The following CCAR2 variants were observed in gnomAD, a reference collection of about 807,000 sequenced individuals.
CCAR2 encodes cell cycle and apoptosis regulator protein 2.
Under a neutral mutation model 108.1 loss-of-function variants are expected in CCAR2, and 21 were observed. The ratio of observed to expected loss-of-function variants is 0.19; its 90% confidence interval spans 0.14 to 0.28. The LOEUF is 0.28. Among genes scored for constraint, CCAR2 ranks in the 10% least tolerant of loss-of-function variants. CCAR2 has a pLI of 1.00. For synonymous variants in CCAR2, 577 were observed against 472.8 expected (o/e 1.22, Z -2.86); for missense variants, 1,126 against 1,177.0 (o/e 0.96, Z 0.63).
At chr8:22,607,467 GTTTT>G (rs34256757) in intron 6 of CCAR2, 142 bp downstream of exon 6, 1,876 of 401,460 alleles carry the variant, frequency 4.7e-3, no homozygotes, top group East Asian at 0.01. Context: ...GGTGTTTAGG[GTTTT>G]TTTTTTTTTT....
chr8:22,613,628 C>T (rs76331771), intron 8 of CCAR2, among the ~76,000 whole-genome samples: 3 of 152,284 alleles, frequency 2.0e-5, no homozygotes, highest in African/African-American at 2.4e-5. Flanking sequence ...CTTATTTCCC[C>T]GTGCCGTTGC....
rs1801733644 is a variant in CCAR2 at position 22,620,405 on chromosome 8, TATAAAG to T, written c.*724_*729del. On this transcript the variant is annotated 3_prime_UTR_variant, in exon 21 of 21. Transcript: ENST00000308511. ...TCCGTGGTTTCAGTTTGACTTTGTA[TATAAAG>T]TTGGGGTTTTTTTTTTTTTTTTTTG... is the stretch of plus-strand genomic sequence containing the variant. 1.3e-5 allele frequency: 2 copies of T among 148,872 alleles called. No homozygotes were observed. Among genetic ancestry groups the T allele is most frequent in the South Asian group, 4.3e-4 (2 of 4,628 alleles). 9.2% of individuals were successfully genotyped at this position (148,872 alleles called of 1,614,324 possible).
rs143245213 is a variant in CCAR2, at chr8:22,613,757, A to T, written c.705-335A>T. 1.1e-5 allele frequency: 3 copies of T among 260,992 alleles called. No homozygotes were observed. The East Asian group carries it at 2.6e-4, about 22-fold the overall frequency. The allele number at this position is 260,992 out of a possible 1,614,324, so 16.2% of individuals were successfully genotyped here. A position where few individuals can be genotyped will look rare whatever the true frequency, so the allele number is the denominator to read the frequency against. On this transcript the variant is annotated intron_variant, in intron 8 of 20. Coordinates refer to ENST00000308511, the MANE Select transcript of CCAR2 (RefSeq NM_001393997.1). ...CATATTTTCCTGGCCTCTAATTCTT[A>T]TGTATTTCTCTTAAGAACCTATTGA...
At chr8:22,607,166 C>T (rs200866841) in intron 5 of CCAR2, 30 bp from the exon 6 acceptor site, 1 of 1,612,674 alleles carries the variant, frequency 6.2e-7, no homozygotes, top group Non-Finnish European at 8.5e-7. Context: ...ACCATGGGGT[C>T]CCCTGAATTT....
chr8:22,619,431 C>T (rs947025956), intron 20 of CCAR2, 76 bp downstream of exon 20: 30 of 1,510,760 alleles, frequency 2.0e-5, no homozygotes, highest in South Asian at 2.4e-5. Context: ...GGCGCTTGCC[C>T]GTGTCGGGAG....
In CCAR2 at chr8:22,606,079, C is replaced by A; in HGVS notation, c.59-6C>A. 1 of 1,612,652 alleles carries A rather than the reference C, an allele frequency of 6.2e-7. No homozygotes were observed. The highest frequency in any genetic ancestry group is 1.7e-4 in the Middle Eastern group (1 of 6,060). On this transcript the variant is annotated splice_polypyrimidine_tract_variant and splice_region_variant and intron_variant, in intron 2 of 20. Coordinates refer to ENST00000308511, the MANE Select transcript of CCAR2 (RefSeq NM_001393997.1). ...GTTCCTGGAGATTGCTTCTCTTTCC[C>A]CATAGGCACAGCTTCAACATCTCTT...
intron 7 of CCAR2, among the ~76,000 whole-genome samples, chr8:22,610,765 A>T (rs918318220): frequency 1.9e-4 from 29 of 152,372 alleles, no homozygotes; most frequent in African/African-American, 7.0e-4. Flanking sequence ...GGCAGGTCTA[A>T]AAGGCAGAAC....
At chr8:22,610,682 C>T (rs1801238768) in intron 7 of CCAR2, among the ~76,000 whole-genome samples, 1 of 152,176 alleles carries the variant, frequency 6.6e-6, no homozygotes, top group African/African-American at 2.4e-5. Flanking sequence ...TGACCAAGGC[C>T]AACAGAAAAG....
Position 22,617,503 on chromosome 8 carries a change from G to C in CCAR2, c.1929G>C (p.Leu643=). 1.2e-6 allele frequency: 2 copies of C among 1,607,392 alleles called. No homozygotes were observed. The highest frequency in any genetic ancestry group is 1.7e-6 in the Non-Finnish European group (2 of 1,176,694). Residue 643 remains leucine (L), a synonymous_variant, in exon 15 of 21, where the codon CTG becomes CTC. Coordinates refer to ENST00000308511, the MANE Select transcript of CCAR2 (RefSeq NM_001393997.1). ...EKPRGEASED[L]CEMALDPELL... is the part of the protein sequence containing the mutation. ...CCCGGGGCGAGGCTTCTGAGGACCT[G>C]TGTGAGATGGCCCTGGACCCAGAAC...
At chr8:22,618,139 G>T (rs1042285036) in intron 16 of CCAR2, 3 of 633,042 alleles carry the variant, frequency 4.7e-6, no homozygotes, top group Non-Finnish European at 8.2e-6. Context: ...GAGCACAGTG[G>T]TTATTCACAG....
Position 22,619,855 on chromosome 8 carries a change from T to A in CCAR2, c.*173T>A. The A allele has an allele frequency of 1.5e-6, 1 of 654,696 alleles. No individual in the cohort carries two copies. 40.6% of individuals were successfully genotyped at this position (654,696 alleles called of 1,614,324 possible). A position where few individuals can be genotyped will look rare whatever the true frequency, so the allele number is the denominator to read the frequency against. On this transcript the variant is annotated 3_prime_UTR_variant, in exon 21 of 21. Transcript: ENST00000308511. The stretch of plus-strand genomic sequence containing the variant: ...GGCCATCAGGCTGGGGGCTGTGCTA[T>A]GTGGGATGGATGTGTGAGGAACCCC...
intron 2 of CCAR2, 51 bp downstream of exon 2, chr8:22,605,882 G>T (rs752030174): frequency 1.2e-5 from 19 of 1,577,068 alleles, no homozygotes; most frequent in Middle Eastern, 3.4e-4. Context: ...ATGTGCTCTG[G>T]AGTTAGTTTG....
At chr8:22,619,582 A>C in intron 20 of CCAR2, 56 bp from the exon 21 acceptor site, 1 of 1,542,478 alleles carries the variant, frequency 6.5e-7, no homozygotes, top group Non-Finnish European at 8.8e-7. Flanking sequence ...CGCAGTCCGC[A>C]GTCCTCAGAT....
Position 22,614,093 on chromosome 8 carries a change from C to T in CCAR2, c.706C>T (p.Pro236Ser). ...GATTCCCTTGCTGTCTTCCTGTAGC[C>T]CCATCTGTGACTTCCTAGAACTCCA... is the stretch of plus-strand genomic sequence containing the variant. ...VHLTPYTVDSPICDFLELQRR... is the reference protein window; with the variant it reads ...VHLTPYTVDSSICDFLELQRR... Residue 236 changes from proline (P) to serine (S), a missense_variant and splice_region_variant, in exon 9 of 21, where the codon CCC becomes TCC. Physicochemically the swap from Pro to Ser is moderately conservative, Grantham distance 74. Transcript: ENST00000308511. 1 of 1,613,300 alleles carries T rather than the reference C, an allele frequency of 6.2e-7. No individual in the cohort carries two copies. The highest frequency in any genetic ancestry group is 8.5e-7 in the Non-Finnish European group (1 of 1,179,718).
intron 17 of CCAR2, 53 bp from the exon 18 acceptor site, chr8:22,618,564 C>T: frequency 1.9e-6 from 3 of 1,614,014 alleles, no homozygotes; most frequent in Non-Finnish European, 2.5e-6. Flanking sequence ...GGTTCCCGCC[C>T]ATGGCCAGGG....
At chr8:22,607,050 A>G (rs1801104678) in intron 5 of CCAR2, 26 bp downstream of exon 5, 2 of 1,611,956 alleles carry the variant, frequency 1.2e-6, no homozygotes, top group African/African-American at 1.3e-5. Context: ...TAGCATGTGC[A>G]TTGGAAAGGG....
intron 11 of CCAR2, 150 bp downstream of exon 11, chr8:22,615,151 G>T (rs1207697289): frequency 1.8e-6 from 2 of 1,142,754 alleles, no homozygotes; most frequent in African/African-American, 1.6e-5. Flanking sequence ...GTAGGGTGGG[G>T]TGTATGCCAA....
rs1222292407 is a variant in CCAR2 at position 22,615,891 on chromosome 8, A to C, written c.1587A>C (p.Pro529=). Residue 529 remains proline (P), a synonymous_variant, in exon 13 of 21, where the codon CCA becomes CCC. Coordinates refer to ENST00000308511, the MANE Select transcript of CCAR2 (RefSeq NM_001393997.1). ...ATGGGATTGTGGAGGATCGGAGGCCAAAGGAAAGGATCTCTTTTGAGGCAG... is the reference window on the plus strand; with the variant it reads ...ATGGGATTGTGGAGGATCGGAGGCCCAAGGAAAGGATCTCTTTTGAGGCAG... ...SLHGIVEDRR[P]KERISFEVMV... The C allele has an allele frequency of 6.2e-7, 1 of 1,613,996 alleles. No homozygotes were observed. The highest frequency in any genetic ancestry group is 1.7e-5 in the Admixed American group (1 of 59,996).
chr8:22,619,476 T>C (rs1414202158), intron 20 of CCAR2, 121 bp downstream of exon 20: 16 of 1,421,536 alleles, frequency 1.1e-5, no homozygotes, highest in South Asian at 2.6e-5. Context: ...GCTTCGTCTT[T>C]CCATCGCTTG....
Sources: gnomAD v4.1 joint callset for allele counts (sites outside exome capture counted in the v4.1 genomes callset) on GRCh38, gnomAD v4.1.1 for gene constraint, MANE v1.5 for transcripts, NCBI Gene and HGNC (gene_info 2026-07-23, HGNC 2026-07-21) for gene names.